Variants in ENG observed in about 807,000 individuals in gnomAD.
The protein encoded by ENG is endoglin.
A neutral mutation model predicts 71.0 loss-of-function variants in ENG; 17 were observed. That is an observed-to-expected ratio of 0.24 (90% CI 0.16 to 0.36). ENG has a LOEUF of 0.36. Among genes scored for constraint, ENG ranks in the 10% least tolerant of loss-of-function variants. The probability of loss-of-function intolerance (pLI) is 1.00; values close to 1 mark genes in which losing one functional copy is unlikely to be tolerated. For missense variants in ENG, 749 were observed against 868.3 expected, an observed-to-expected ratio of 0.86 and a Z score of 1.73; for synonymous variants, 360 against 366.9, an observed-to-expected ratio of 0.98 and a Z score of 0.21.
rs41340946 is a variant in ENG, at chr9:127,841,725, T to C, written c.219+1369A>G. ...CCCGGAGCTGACACGGCGAAGTCAG[T>C]ATCGGGACCAAAGGCCACATCAACC... On this transcript the variant is annotated intron_variant, in intron 2 of 14. Coordinates refer to ENST00000373203, the MANE Select transcript of ENG (RefSeq NM_001114753.3). Among the ~76,000 whole-genome samples, 349 of 152,244 alleles carry C rather than the reference T, an allele frequency of 2.3e-3. 2 individuals carry two copies. The highest frequency in any genetic ancestry group is 3.6e-3 in the Non-Finnish European group (245 of 68,018).
At chr9:127,835,236 C>A (rs888716773) in intron 2 of ENG, among the ~76,000 whole-genome samples, 10 of 151,870 alleles carry the variant, frequency 6.6e-5, no homozygotes, top group African/African-American at 2.4e-4. Flanking sequence ...TAGACTCAAA[C>A]AATCCACCCA....
chr9:127,854,261 TC>T, intron 1 of ENG, 27 bp downstream of exon 1: 1 of 1,565,148 alleles, frequency 6.4e-7, no homozygotes, highest in Admixed American at 1.9e-5. Flanking sequence ...AGGCCGAGTC[TC>T]CCCACCCTGG....
chr9:127,832,721 TG>T (rs1277896891), intron 2 of ENG: 14 of 152,260 alleles, frequency 9.2e-5, no homozygotes, highest in Admixed American at 4.6e-4. Flanking sequence ...TAAACACAAT[TG>T]TTTTTTTCAT....
chr9:127,838,092 C>A lies in ENG; in HGVS notation c.219+5002G>T, dbSNP rs1477377098. On this transcript the variant is annotated intron_variant, in intron 2 of 14. Transcript: ENST00000373203. This position sits in a 1 kb window ranked among gnomAD's most constrained non-coding sequence, Gnocchi z 4.3. ...CAGCTCAGCCCGGATACCCAAACTC[C>A]ACCATGCCTGCCTCCCCAAGTAGCC... 6.6e-6 allele frequency among the ~76,000 whole-genome samples: 1 copy of A among 152,202 alleles called. No individual in the cohort carries two copies. The highest frequency in any genetic ancestry group is 1.9e-4 in the East Asian group (1 of 5,188).
chr9:127,841,311 A>C (rs1831027137), intron 2 of ENG: 1 of 152,340 alleles, frequency 6.6e-6, no homozygotes, highest in African/African-American at 2.4e-5. Flanking sequence ...GGCTATCTAC[A>C]CACCTATCTC....
At chr9:127,844,250 C>T (rs956806170) in intron 1 of ENG, among the ~76,000 whole-genome samples, 8 of 151,566 alleles carry the variant, frequency 5.3e-5, no homozygotes, top group Non-Finnish European at 1.0e-4. Flanking sequence ...CTCAGCCTCC[C>T]GAGCAGCTAG....
intron 1 of ENG, among the ~76,000 whole-genome samples, chr9:127,844,126 T>C (rs1036350367): frequency 2.7e-5 from 4 of 149,912 alleles, no homozygotes; most frequent in Non-Finnish European, 4.4e-5. Context: ...TTATTATTTA[T>C]TTTATTTTAT....
Position 127,823,231 on chromosome 9 carries a change from C to T in ENG, c.1134+1073G>A, listed in dbSNP as rs181825805. Among the ~76,000 whole-genome samples the T allele has an allele frequency of 5.6e-3, 842 of 150,842 alleles. 9 individuals carry two copies. Among genetic ancestry groups the T allele is most frequent in the Admixed American group, 0.016 (237 of 15,166 alleles). On this transcript the variant is annotated intron_variant, in intron 8 of 14. Transcript: ENST00000373203. ...CATGATCTTGGCTCACTGCAAGCTC[C>T]GCCTCCCGGGTTCAGGCCATTCTCC...
chr9:127,842,961 T>G, intron 2 of ENG, 133 bp downstream of exon 2: 1 of 1,414,566 alleles, frequency 7.1e-7, no homozygotes, highest in Non-Finnish European at 9.9e-7. Context: ...GATGCCCACA[T>G]CACTCTCTTG....
intron 2 of ENG, among the ~76,000 whole-genome samples, chr9:127,833,849 T>C (rs1830830163): frequency 6.6e-6 from 1 of 152,232 alleles, no homozygotes; most frequent in Admixed American, 6.5e-5. Context: ...TCAATAATGA[T>C]ACCATAATTA....
At chr9:127,822,752 T>G (rs12001427) in intron 8 of ENG, among the ~76,000 whole-genome samples, 1 of 152,140 alleles carries the variant, frequency 6.6e-6, no homozygotes, top group Non-Finnish European at 1.5e-5. Flanking sequence ...GAAAACGCTC[T>G]AGAAAGAAGC....
At chr9:127,844,405 G>A (rs532915628) in intron 1 of ENG, among the ~76,000 whole-genome samples, 2 of 152,024 alleles carry the variant, frequency 1.3e-5, no homozygotes, top group Non-Finnish European at 2.9e-5. Flanking sequence ...AGGATTACAG[G>A]CATGAGCCAC....
chr9:127,816,099 C>T (rs1337116760), intron 13 of ENG, 46 bp from the exon 14 acceptor site: 3 of 1,589,310 alleles, frequency 1.9e-6, no homozygotes, highest in African/African-American at 1.3e-5. Flanking sequence ...GCCCCTGCCC[C>T]ATCCCCTACC....
In ENG at chr9:127,825,878, C is replaced by T. The variant is rs1434696707; in HGVS notation, c.524-18G>A. On this transcript the variant is annotated intron_variant, in intron 4 of 14. Transcript: ENST00000373203. The stretch of plus-strand genomic sequence containing the variant: ...CCCCTGGGCTGCAGAGACACGCGCA[C>T]CTCAGTCCCTTCCCTCAGCAGCCCT... The T allele has an allele frequency of 5.1e-6, 8 of 1,573,718 alleles. No homozygotes were observed. The highest frequency in any genetic ancestry group is 3.5e-5 in the South Asian group (3 of 85,890).
At chr9:127,826,381 G>A (rs915362071) in intron 4 of ENG, 129 bp downstream of exon 4, 43 of 1,193,862 alleles carry the variant, frequency 3.6e-5, no homozygotes, top group Non-Finnish European at 4.5e-5. Flanking sequence ...CTGGCTTGTG[G>A]CATGTGAACT....
At chr9:127,826,469 A>G (rs1226235360) in intron 4 of ENG, 41 bp downstream of exon 4, 3 of 1,613,182 alleles carry the variant, frequency 1.9e-6, no homozygotes, top group Non-Finnish European at 8.5e-7. Context: ...ATTCCTCCTG[A>G]GCAGTATCAT....
chr9:127,816,851 G>T, intron 13 of ENG: 1 of 504,120 alleles, frequency 2.0e-6, no homozygotes, highest in South Asian at 2.1e-5. Flanking sequence ...CATCCTCCCA[G>T]CAAGGTCAGC....
chr9:127,851,120 C>T (rs776538693), intron 1 of ENG, among the ~76,000 whole-genome samples: 2 of 152,102 alleles, frequency 1.3e-5, no homozygotes, highest in Non-Finnish European at 2.9e-5. Flanking sequence ...AAAGGAGTTC[C>T]GAGGTGATTT....
rs1830962108 is a variant in ENG at position 127,838,789 on chromosome 9, A to G, written c.219+4305T>C. ...GAATCCAGGCTCCGGCCTGCCCTTC[A>G]GGGACCCAGCGAGATCCAGCCCCTG... On this transcript the variant is annotated intron_variant, in intron 2 of 14. Transcript: ENST00000373203. This position sits in a 1 kb window ranked among gnomAD's most constrained non-coding sequence, Gnocchi z 4.3. Among the ~76,000 whole-genome samples the G allele has an allele frequency of 6.6e-6, 1 of 152,054 alleles. No individual in the cohort carries two copies. The highest frequency in any genetic ancestry group is 2.4e-5 in the African/African-American group (1 of 41,404).
Sources: gnomAD v4.1 joint callset for allele counts (sites outside exome capture counted in the v4.1 genomes callset) on GRCh38, gnomAD v4.1.1 for gene constraint, Gnocchi (gnomAD v3.1) non-coding constraint, MANE v1.5 for transcripts, NCBI Gene and HGNC (gene_info 2026-07-23, HGNC 2026-07-21) for gene names.